The following ADGRL2 variants were observed in gnomAD, a reference collection of about 807,000 sequenced individuals.
ADGRL2 encodes calcium-independent alpha-latrotoxin receptor 2.
A neutral mutation model predicts 157.4 loss-of-function variants in ADGRL2; 44 were observed. The ratio of observed to expected loss-of-function variants is 0.28; its 90% CI spans 0.22 to 0.36. ADGRL2 has a LOEUF of 0.36. ADGRL2 is among the 10% of genes least tolerant of loss of function. ADGRL2 has a pLI of 1.00. For synonymous variants in ADGRL2, 585 were observed against 624.7 expected, an observed-to-expected ratio of 0.94 and a Z score of 0.95; for missense variants, 1,510 against 1,768.9, an observed-to-expected ratio of 0.85 and a Z score of 2.63.
In ADGRL2 at chr1:81,979,892, C is replaced by A; in HGVS notation, c.3045C>A (p.Ile1015=). 6.2e-7 allele frequency: 1 copy of A among 1,604,398 alleles called. No homozygotes were observed. The highest frequency in any genetic ancestry group is 1.1e-5 in the South Asian group (1 of 90,610). The change falls in exon 18 of 24, where the codon ATC becomes ATA. Residue 1015 remains isoleucine (I), a synonymous_variant. Transcript: ENST00000686636. The part of the protein sequence containing the change: ...IILLNIIFLV[I]TLCKMVKHSN... ...AGCTAAATATTATCTTCTTGGTGAT[C>A]ACATTGTGCAAAATGGTGAAGCATT...
intron 1 of ADGRL2, among the ~76,000 whole-genome samples, chr1:81,328,554 A>G (rs1661054133): frequency 6.6e-6 from 1 of 152,162 alleles, no homozygotes; most frequent in African/African-American, 2.4e-5. Context: ...TGGAAAACTT[A>G]TTATAAAGTG....
At chr1:81,705,821 G>A (rs1259974272) in intron 1 of ADGRL2, among the ~76,000 whole-genome samples, 2 of 152,066 alleles carry the variant, frequency 1.3e-5, no homozygotes, top group East Asian at 3.9e-4. Context: ...CAGGAGGATC[G>A]CTTGAGCCCA....
intron 3 of ADGRL2, among the ~76,000 whole-genome samples, chr1:81,912,462 T>C (rs985120701): frequency 1.3e-5 from 2 of 152,154 alleles, no homozygotes; most frequent in African/African-American, 4.8e-5. Context: ...CTGGGTGGCA[T>C]GTAAATAAAT....
At chr1:81,861,413 A>G (rs1388600245) in intron 2 of ADGRL2, among the ~76,000 whole-genome samples, 1 of 152,216 alleles carries the variant, frequency 6.6e-6, no homozygotes, top group Non-Finnish European at 1.5e-5. Context: ...TATTAAGTTA[A>G]TTTAAGAAAT....
At chr1:81,831,147 A>C (rs2091917645) in intron 1 of ADGRL2, among the ~76,000 whole-genome samples, 1 of 152,176 alleles carries the variant, frequency 6.6e-6, no homozygotes, top group Admixed American at 6.5e-5. Flanking sequence ...CCTTTGTTCC[A>C]TGACTATTAA....
chr1:81,317,317 C>T (rs1660172356), intron 1 of ADGRL2, among the ~76,000 whole-genome samples: 1 of 152,188 alleles, frequency 6.6e-6, no homozygotes, highest in Non-Finnish European at 1.5e-5. Context: ...CAACCCTCAA[C>T]CCCACATAAT....
chr1:81,666,215 G>A lies in ADGRL2; in HGVS notation c.-143+85235G>A, dbSNP rs1255353339. The stretch of plus-strand genomic sequence containing the variant: ...CAGAAGCAATAGAACAACTCCGTGT[G>A]GCCCATAGATGACTGAAAGAGACCA... On this transcript the variant is annotated intron_variant, in intron 3 of 24. Transcript: ENST00000370721. 2.6e-5 allele frequency among the ~76,000 whole-genome samples: 4 copies of A among 152,140 alleles called. No individual in the cohort carries two copies. In the East Asian group the frequency reaches 5.8e-4, roughly 22 times the overall value.
intron 3 of ADGRL2, among the ~76,000 whole-genome samples, chr1:81,587,345 G>A (rs1030832514): frequency 2.6e-5 from 4 of 152,038 alleles, no homozygotes; most frequent in African/African-American, 7.2e-5. Context: ...TTGGAAAGAG[G>A]TATTGGATTG....
At chr1:81,613,417 C>T (rs546127198) in intron 3 of ADGRL2, among the ~76,000 whole-genome samples, 1 of 152,000 alleles carries the variant, frequency 6.6e-6, no homozygotes, top group Non-Finnish European at 1.5e-5. Context: ...GAGGTGAGGC[C>T]GTAACTGAAT....
At chr1:81,616,912 A>G (rs2081666712) in intron 3 of ADGRL2, among the ~76,000 whole-genome samples, 1 of 152,126 alleles carries the variant, frequency 6.6e-6, no homozygotes, top group South Asian at 2.1e-4. Flanking sequence ...GCCAGGGCTC[A>G]AGCAATCTGC....
chr1:81,729,970 G>A (rs1219029572), intron 1 of ADGRL2, among the ~76,000 whole-genome samples: 1 of 152,162 alleles, frequency 6.6e-6, no homozygotes, highest in African/African-American at 2.4e-5. Flanking sequence ...GACTGATAGA[G>A]ATAGTTTCAC....
intron 1 of ADGRL2, among the ~76,000 whole-genome samples, chr1:81,805,251 G>A (rs1288290019): frequency 6.6e-6 from 1 of 151,934 alleles, no homozygotes; most frequent in African/African-American, 2.4e-5. Flanking sequence ...GGGTCATTTG[G>A]GTTAGTTATC....
chr1:81,498,224 CTTGTTATAAAG>C (rs2078770682), intron 2 of ADGRL2, among the ~76,000 whole-genome samples: 1 of 152,084 alleles, frequency 6.6e-6, no homozygotes, highest in African/African-American at 2.4e-5. Context: ...GTGAAATTAT[CTTGTTATAAAG>C]TTGGAATTCA....
At chr1:81,741,200 T>C (rs902075271) in intron 1 of ADGRL2, among the ~76,000 whole-genome samples, 1 of 147,940 alleles carries the variant, frequency 6.8e-6, no homozygotes, top group Non-Finnish European at 1.5e-5. Context: ...AAAATAGATA[T>C]AGGAAATGGA....
At chr1:81,913,750 T>C (rs938514809) in intron 3 of ADGRL2, among the ~76,000 whole-genome samples, 15 of 152,122 alleles carry the variant, frequency 9.9e-5, no homozygotes, top group African/African-American at 3.6e-4. Flanking sequence ...CAATTTGATA[T>C]TCTTTTTACT....
intron 2 of ADGRL2, among the ~76,000 whole-genome samples, chr1:81,868,500 G>A (rs567945570): frequency 1.8e-4 from 28 of 152,116 alleles, no homozygotes; most frequent in Middle Eastern, 3.4e-3. Flanking sequence ...GCTACCCTTC[G>A]GTAAGCTCTC....
intron 1 of ADGRL2, among the ~76,000 whole-genome samples, chr1:81,365,497 T>A (rs1021355391): frequency 5.9e-5 from 9 of 152,174 alleles, no homozygotes; most frequent in Admixed American, 5.9e-4. Flanking sequence ...CATGGTTATC[T>A]CTACTTCTGT....
chr1:81,688,131 C>G (rs1307683600), intron 3 of ADGRL2, among the ~76,000 whole-genome samples: 1 of 152,154 alleles, frequency 6.6e-6, no homozygotes, highest in Non-Finnish European at 1.5e-5. Flanking sequence ...TTTGGATAAC[C>G]TGATGACAAT....
At chr1:81,867,185 A>C (rs937798177) in intron 2 of ADGRL2, among the ~76,000 whole-genome samples, 12 of 152,188 alleles carry the variant, frequency 7.9e-5, no homozygotes, top group Non-Finnish European at 1.5e-4. Flanking sequence ...TTTGGGTAAT[A>C]AATTACTTTT....
Sources: allele counts gnomAD v4.1 joint callset (sites outside exome capture counted in the v4.1 genomes callset), GRCh38; gene constraint gnomAD v4.1.1; transcripts MANE v1.5; gene names NCBI Gene and HGNC (gene_info 2026-07-23, HGNC 2026-07-21).